Variants in FAM133B observed in about 807,000 individuals in gnomAD.
FAM133B encodes family with sequence similarity 133 member B, also known as protein FAM133B.
FAM133B carries 25 observed loss-of-function variants against 46.4 expected under a neutral mutation model. The ratio of observed to expected loss-of-function variants is 0.54; its 90% CI spans 0.39 to 0.75. FAM133B has a LOEUF of 0.75. FAM133B is among the 30% of genes least tolerant of loss of function. FAM133B has a pLI of 0.00. For missense variants in FAM133B, 205 were observed against 277.6 expected, an observed-to-expected ratio of 0.74 and a Z score of 1.86; for synonymous variants, 75 against 86.0, an observed-to-expected ratio of 0.87 and a Z score of 0.71.
At chr7:92,573,042 C>T (rs1274058992) in intron 8 of FAM133B, among the ~76,000 whole-genome samples, 1 of 150,976 alleles carries the variant, frequency 6.6e-6, no homozygotes, top group African/African-American at 2.4e-5. Flanking sequence ...AAAAAAGAAA[C>T]TCAATATTCT....
chr7:92,563,638 G>A lies in FAM133B; in HGVS notation c.658-1270C>T, dbSNP rs1340944455. Among the ~76,000 whole-genome samples the A allele has an allele frequency of 2.0e-5, 3 of 152,112 alleles. No homozygotes were observed. In the East Asian group the frequency reaches 5.8e-4, roughly 29 times the overall value. ...CAGTCCTACTCTTTGACCTCAGGAC[G>A]ATAAGTGCCTCATTAACAGCTCTAC... On this transcript the variant is annotated intron_variant, in intron 10 of 10. Transcript: ENST00000445716.
chr7:92,583,592 T>C (rs1205441742), intron 1 of FAM133B, among the ~76,000 whole-genome samples: 2 of 152,098 alleles, frequency 1.3e-5, no homozygotes, highest in African/African-American at 4.8e-5. Flanking sequence ...AAGCAAAAGG[T>C]TTCTTTGTTA....
intron 10 of FAM133B, among the ~76,000 whole-genome samples, chr7:92,564,297 T>C (rs1356421398): frequency 6.6e-6 from 1 of 152,244 alleles, no homozygotes; most frequent in Non-Finnish European, 1.5e-5. Flanking sequence ...GAGGATTTCA[T>C]GAGCCCGTCC....
In FAM133B at chr7:92,581,663, T is replaced by C. The variant is rs934624437; in HGVS notation, c.25-60A>G. The C allele has an allele frequency of 5.3e-6, 7 of 1,314,568 alleles. No homozygotes were observed. The African/African-American group carries it at 1.0e-4, about 19-fold the overall frequency. The allele number at this position is 1,314,568 out of a possible 1,614,324, so 81.4% of individuals were successfully genotyped here. A position where few individuals can be genotyped will look rare whatever the true frequency, so the allele number is the denominator to read the frequency against. ...AATCATTAAACATGCAAAACCTCAC[T>C]TACTCATCAAGTAATCTTTACTATA... On this transcript the variant is annotated intron_variant, in intron 1 of 10. Transcript: ENST00000445716.
At chr7:92,565,706 A>G (rs990154999) in intron 10 of FAM133B, 1 of 273,080 alleles carries the variant, frequency 3.7e-6, no homozygotes, top group African/African-American at 2.2e-5. Context: ...CTCATGATCC[A>G]CCTGCCTCAG....
chr7:92,578,238 T>A, intron 4 of FAM133B, 56 bp from the exon 5 acceptor site: 2 of 1,598,644 alleles, frequency 1.3e-6, no homozygotes, highest in Non-Finnish European at 8.6e-7. Flanking sequence ...TGCAAATGCA[T>A]CTATTAACAG....
chr7:92,566,929 G>A (rs1171373311), intron 9 of FAM133B, among the ~76,000 whole-genome samples: 2 of 152,076 alleles, frequency 1.3e-5, no homozygotes, highest in African/African-American at 2.4e-5. Flanking sequence ...ATTAAACTGA[G>A]GCCGGGGGCA....
chr7:92,578,338 C>T lies in FAM133B; in HGVS notation c.257G>A (p.Ser86Asn). 6.2e-6 allele frequency: 10 copies of T among 1,613,356 alleles called. No individual in the cohort carries two copies. The highest frequency in any genetic ancestry group is 8.5e-6 in the Non-Finnish European group (10 of 1,179,630). Residue 86 changes from serine (S) to asparagine (N), a missense_variant, in exon 4 of 11, where the codon AGC becomes AAC. Ser to Asn is a conservative substitution (Grantham distance 46). Transcript: ENST00000445716. ...TATTACCTGTCTTTTTTTGGATGAG[C>T]TCTCACTTCCACTTAACAATTTCTC... ...HREKLLSGSE[S>N]SSKKRQRKKK...
At chr7:92,568,995 A>G (rs1259479270) in intron 9 of FAM133B, among the ~76,000 whole-genome samples, 2 of 152,204 alleles carry the variant, frequency 1.3e-5, no homozygotes, top group African/African-American at 4.8e-5. Flanking sequence ...CAAAAATGCA[A>G]GACTCAGGGA....
At chr7:92,574,117 A>C (rs1794620630) in intron 8 of FAM133B, among the ~76,000 whole-genome samples, 1 of 152,204 alleles carries the variant, frequency 6.6e-6, no homozygotes, top group Non-Finnish European at 1.5e-5. Context: ...CCATACAAAA[A>C]CTTGTGTTTA....
chr7:92,583,694 T>A (rs564433066), intron 1 of FAM133B, among the ~76,000 whole-genome samples: 4 of 152,304 alleles, frequency 2.6e-5, no homozygotes, highest in African/African-American at 9.6e-5. Flanking sequence ...CTACCTCTTC[T>A]ATTTAGTTTT....
intron 9 of FAM133B, 25 bp downstream of exon 9, chr7:92,569,797 GA>G: frequency 8.6e-7 from 1 of 1,164,346 alleles, no homozygotes; most frequent in Non-Finnish European, 1.2e-6. Context: ...TTAAAATAGA[GA>G]AAATGGATTT....
chr7:92,579,467 A>C, intron 2 of FAM133B, 72 bp from the exon 3 acceptor site: 1 of 1,023,494 alleles, frequency 9.8e-7, no homozygotes, highest in Non-Finnish European at 1.4e-6. Flanking sequence ...ATAAGACAAC[A>C]AAATTTCATA....
chr7:92,563,208 C>A (rs574296335), intron 10 of FAM133B, among the ~76,000 whole-genome samples: 5 of 152,276 alleles, frequency 3.3e-5, no homozygotes, highest in Non-Finnish European at 7.4e-5. Flanking sequence ...TATCCATTTC[C>A]TATCTATCAG....
intron 8 of FAM133B, among the ~76,000 whole-genome samples, chr7:92,574,325 C>T (rs563208231): frequency 6.6e-6 from 1 of 152,240 alleles, no homozygotes; most frequent in East Asian, 1.9e-4. Context: ...CACAAAAGGT[C>T]GCATATTGTA....
chr7:92,578,385 C>T lies in FAM133B; in HGVS notation c.210G>A (p.Lys70=). 1.9e-6 allele frequency: 3 copies of T among 1,612,694 alleles called. 1 individual carries two copies. In the South Asian group the frequency reaches 3.3e-5, roughly 18 times the overall value. ...EFEEKMNENW[K]KELEKHREKL... ...TCTCCCTGTGTTTTTCCAGTTCTTT[C>T]TTCCAGTTCTGCAAAAAGGTTATGA... The change falls in exon 4 of 11, where the codon AAG becomes AAA. Residue 70 remains lysine, a synonymous_variant. Transcript: ENST00000445716.
intron 8 of FAM133B, among the ~76,000 whole-genome samples, chr7:92,572,333 A>G (rs1794556803): frequency 6.6e-6 from 1 of 152,260 alleles, no homozygotes; most frequent in Non-Finnish European, 1.5e-5. Context: ...ATGCAAAATA[A>G]CAAGCACTTG....
rs1418921381 is a variant in FAM133B, at chr7:92,561,196, T to A, written c.*1086A>T. On this transcript the variant is annotated 3_prime_UTR_variant, in exon 11 of 11. Transcript: ENST00000445716. The stretch of plus-strand genomic sequence containing the variant: ...GTTATTGTAAGTCTCAGCTTCAATA[T>A]GAAGCCGTTTTTTTTTTTTAATCAA... 1 of 147,102 alleles carries A rather than the reference T, an allele frequency of 6.8e-6. No individual in the cohort carries two copies. Among genetic ancestry groups the A allele is most frequent in the East Asian group, 2.0e-4 (1 of 5,094 alleles). The allele number at this position is 147,102 out of a possible 1,614,324, so 9.1% of individuals were successfully genotyped here.
intron 8 of FAM133B, among the ~76,000 whole-genome samples, chr7:92,570,782 G>T (rs958178235): frequency 1.3e-5 from 2 of 152,080 alleles, no homozygotes; most frequent in African/African-American, 4.8e-5. Flanking sequence ...CTAGATTATA[G>T]CAGACTTCCT....
Sources: gnomAD v4.1 joint callset for allele counts (sites outside exome capture counted in the v4.1 genomes callset) on GRCh38, gnomAD v4.1.1 for gene constraint, MANE v1.5 for transcripts, NCBI Gene and HGNC (gene_info 2026-07-23, HGNC 2026-07-21) for gene names.